FAM222B: variants seen among roughly 807,000 people sequenced by gnomAD.
FAM222B encodes the protein family with sequence similarity 222 member B.
A neutral mutation model predicts 38.0 loss-of-function variants in FAM222B; 12 were observed. That is an observed-to-expected ratio of 0.32 (90% CI 0.20 to 0.51). The LOEUF is 0.51. Ranked by LOEUF, FAM222B falls within the 20% of genes least tolerant of loss-of-function variation. The pLI is 0.97. For missense variants in FAM222B, 716 were observed against 754.2 expected, an observed-to-expected ratio of 0.95 and a Z score of 0.59; for synonymous variants, 329 against 317.2, an observed-to-expected ratio of 1.04 and a Z score of -0.40.
intron 2 of FAM222B, among the ~76,000 whole-genome samples, chr17:28,762,932 C>T (rs781295991): frequency 1.3e-5 from 2 of 149,518 alleles, no homozygotes; most frequent in Admixed American, 6.7e-5. Flanking sequence ...AGTAAGACTC[C>T]GTCTCAAAAA....
chr17:28,828,550 CA>C (rs1054458007), intron 1 of FAM222B, among the ~76,000 whole-genome samples: 1 of 146,428 alleles, frequency 6.8e-6, no homozygotes, highest in Non-Finnish European at 1.5e-5. Context: ...GCCTGAGCTA[CA>C]GAGAAGACTC....
chr17:28,813,678 G>A (rs962295075), intron 1 of FAM222B, among the ~76,000 whole-genome samples: 1 of 151,626 alleles, frequency 6.6e-6, no homozygotes, highest in East Asian at 1.9e-4. Context: ...TGGGACTACA[G>A]GTGGCCGCCA....
intron 1 of FAM222B, among the ~76,000 whole-genome samples, chr17:28,819,103 C>A (rs1389323148): frequency 2.0e-5 from 3 of 152,202 alleles, no homozygotes; most frequent in African/African-American, 7.2e-5. Flanking sequence ...ACAGAAGGAG[C>A]TTTTCTATGC....
At chr17:28,779,186 C>T (rs1346890815) in intron 1 of FAM222B, among the ~76,000 whole-genome samples, 5 of 152,030 alleles carry the variant, frequency 3.3e-5, no homozygotes, top group Non-Finnish European at 7.4e-5. Context: ...ACTCATTTTA[C>T]GACGTCGGCA....
intron 1 of FAM222B, among the ~76,000 whole-genome samples, chr17:28,824,271 AC>A (rs1249285002): frequency 2.0e-5 from 3 of 148,670 alleles, no homozygotes; most frequent in Non-Finnish European, 4.5e-5. Context: ...TGCAACCTCC[AC>A]CCCCTGGGCT....
chr17:28,847,612 T>A (rs944307142), upstream of FAM222B, among the ~76,000 whole-genome samples: 11 of 148,258 alleles, frequency 7.4e-5, no homozygotes, highest in African/African-American at 2.7e-4. Flanking sequence ...ATAAATAAAT[T>A]AATTAAATAA....
At chr17:28,847,064 AAAT>A (rs1259905748), upstream of FAM222B, among the ~76,000 whole-genome samples, 2 of 151,446 alleles carry the variant, frequency 1.3e-5, no homozygotes, top group Non-Finnish European at 2.9e-5. Flanking sequence ...TCTCTACTAA[AAAT>A]ACCAAATTAG....
chr17:28,776,033 G>A (rs1395687360), intron 1 of FAM222B, among the ~76,000 whole-genome samples: 1 of 149,038 alleles, frequency 6.7e-6, no homozygotes, highest in Non-Finnish European at 1.5e-5. Context: ...CCAAGATCAT[G>A]CCACTGCACC....
At chr17:28,842,901 G>C (rs1567912295), upstream of FAM222B, 1 of 152,404 alleles carries the variant, frequency 6.6e-6, no homozygotes, top group Non-Finnish European at 1.5e-5. Flanking sequence ...TGATGGTCTG[G>C]ACCCCTGGGT....
chr17:28,768,608 G>A (rs1402614355), intron 1 of FAM222B, among the ~76,000 whole-genome samples: 2 of 151,936 alleles, frequency 1.3e-5, no homozygotes, highest in African/African-American at 4.8e-5. Context: ...AGGCCGAGGC[G>A]GGCAGATTAC....
rs2034891292 is a variant in FAM222B, at chr17:28,758,994, C to T, written c.965G>A (p.Cys322Tyr). 3.7e-6 allele frequency: 6 copies of T among 1,612,428 alleles called. No homozygotes were observed. Among genetic ancestry groups the T allele is most frequent in the Non-Finnish European group, 5.1e-6 (6 of 1,179,348 alleles). ...THSVPTPMPS[C>Y]VVNPMEHTHA... ...GGTGTGCTCCATGGGATTGACCACA[C>T]ATGAAGGCATTGGTGTGGGGACGCT... The change falls in exon 3 of 3, where the codon TGT becomes TAT. Residue 322 changes from cysteine (C) to tyrosine (Y), a missense_variant. Coordinates refer to ENST00000581407, the MANE Select transcript of FAM222B (RefSeq NM_001077498.3).
At chr17:28,798,909 A>G (rs9891302) in intron 1 of FAM222B, among the ~76,000 whole-genome samples, 28,560 of 148,034 alleles carry the variant, frequency 0.19, 2,826 homozygotes, top group South Asian at 0.3. Flanking sequence ...GAGCCACCAC[A>G]CCAGGCCACT....
chr17:28,816,446 G>C (rs920625645), intron 1 of FAM222B, among the ~76,000 whole-genome samples: 18 of 151,926 alleles, frequency 1.2e-4, no homozygotes, highest in African/African-American at 4.3e-4. Context: ...CAATAGGCTA[G>C]ACTAAAAATT....
rs1307495027 is a variant in FAM222B, at chr17:28,790,891, T to A, written c.-40-24184A>T. Among the ~76,000 whole-genome samples the A allele has an allele frequency of 8.5e-3, 785 of 92,084 alleles. 102 individuals are homozygous for A. The East Asian group carries it at 0.093, about 11-fold the overall frequency. 60.4% of individuals were successfully genotyped at this position (92,084 alleles called of 152,430 possible). On this transcript the variant is annotated intron_variant, in intron 1 of 2. Coordinates refer to ENST00000581407, the MANE Select transcript of FAM222B (RefSeq NM_001077498.3). ...ATATTTCAAATTGTTTCACTTTTTT[T>A]TTTTTTTTTTTTTTTTTTTTTTTTA...
chr17:28,826,619 T>C (rs2038449090), intron 1 of FAM222B, among the ~76,000 whole-genome samples: 1 of 148,134 alleles, frequency 6.8e-6, no homozygotes, highest in Non-Finnish European at 1.5e-5. Flanking sequence ...AGGCAGAGGT[T>C]GTGGTGAGCC....
chr17:28,791,187 G>C (rs1346049489), intron 1 of FAM222B, among the ~76,000 whole-genome samples: 2 of 151,824 alleles, frequency 1.3e-5, no homozygotes, highest in African/African-American at 4.8e-5. Flanking sequence ...GGGATTACAG[G>C]TGTGAGCCAC....
At chr17:28,790,884 C>CATTTTTTTTTT (rs71135852) in intron 1 of FAM222B, among the ~76,000 whole-genome samples, 1,512 of 86,070 alleles carry the variant, frequency 0.018, 594 homozygotes, top group African/African-American at 0.04. Flanking sequence ...AATTGTTTCA[C>CATTTTTTTTTT]TTTTTTTTTT....
At chr17:28,824,791 T>G (rs530516704) in intron 1 of FAM222B, among the ~76,000 whole-genome samples, 8 of 152,298 alleles carry the variant, frequency 5.3e-5, no homozygotes, top group Non-Finnish European at 1.2e-4. Context: ...CATTTCTTTT[T>G]GAGGTGGAGT....
intron 1 of FAM222B, chr17:28,854,842 A>G: frequency 1.7e-6 from 1 of 578,032 alleles, no homozygotes; most frequent in African/African-American, 1.9e-5. Context: ...GCTTGCACAG[A>G]CTCTAAATAC....
Sources: gnomAD v4.1 joint callset for allele counts (sites outside exome capture counted in the v4.1 genomes callset) on GRCh38, gnomAD v4.1.1 for gene constraint, MANE v1.5 for transcripts, NCBI Gene and HGNC (gene_info 2026-07-23, HGNC 2026-07-21) for gene names.